The following TCF4 variants were observed in gnomAD, a reference collection of about 807,000 sequenced individuals.
TCF4 encodes SL3-3 enhancer factor 2.
In TCF4, 3 loss-of-function variants were observed where a neutral mutation model predicts 82.1. That is an observed-to-expected ratio of 0.04 (90% CI 0.02 to 0.09). The LOEUF is 0.09. Ranked by LOEUF, TCF4 falls within the 10% of genes least tolerant of loss-of-function variation. TCF4 has a pLI of 1.00. For synonymous variants in TCF4, 276 were observed against 309.6 expected (o/e 0.89, Z 1.14); for missense variants, 518 against 852.7 (o/e 0.61, Z 4.89).
chr18:55,279,517 A>AGT (rs1568651165), intron 9 of TCF4, 34 bp downstream of exon 9: 1 of 1,613,454 alleles, frequency 6.2e-7, no homozygotes, highest in South Asian at 1.1e-5. Context: ...AATGCTATCC[A>AGT]GTGGCCTTTC....
intron 5 of TCF4, among the ~76,000 whole-genome samples, chr18:55,428,779 A>T (rs2147107469): frequency 6.6e-6 from 1 of 152,332 alleles, no homozygotes; most frequent in East Asian, 1.9e-4. Context: ...AAGAGGATAA[A>T]CAATGTTTGG....
At chr18:55,617,864 T>G (rs2097713788) in intron 2 of TCF4, among the ~76,000 whole-genome samples, 1 of 148,584 alleles carries the variant, frequency 6.7e-6, no homozygotes, top group Admixed American at 6.8e-5. Flanking sequence ...CTTTAGAGTT[T>G]TCTACATGTA....
intron 5 of TCF4, among the ~76,000 whole-genome samples, chr18:55,439,181 G>C (rs1293075564): frequency 6.6e-6 from 1 of 152,112 alleles, no homozygotes; most frequent in Non-Finnish European, 1.5e-5. Context: ...GAGGTTGAGG[G>C]GTTTGCAAAT....
intron 3 of TCF4, among the ~76,000 whole-genome samples, chr18:55,538,578 C>T (rs983134609): frequency 9.9e-5 from 15 of 152,164 alleles, no homozygotes; most frequent in African/African-American, 3.4e-4. Context: ...GGTGACAATC[C>T]AGGTCTACCA....
intron 6 of TCF4, chr18:55,401,846 G>A (rs934787774): frequency 4.3e-6 from 4 of 933,266 alleles, no homozygotes; most frequent in African/African-American, 1.8e-5. Context: ...GGGGCCCAGC[G>A]AAAACAGAGA....
intron 2 of TCF4, among the ~76,000 whole-genome samples, chr18:55,628,476 A>C (rs1457715726): frequency 1.3e-5 from 2 of 152,160 alleles, no homozygotes; most frequent in African/African-American, 4.8e-5. Context: ...TCTTTTTAAT[A>C]ATCTTTTTTT....
intron 3 of TCF4, among the ~76,000 whole-genome samples, chr18:55,542,657 AAC>A (rs967105338): frequency 2.6e-5 from 4 of 151,986 alleles, no homozygotes; most frequent in African/African-American, 7.2e-5. Flanking sequence ...AACAATAGCC[AAC>A]ACACACACAC....
intron 5 of TCF4, among the ~76,000 whole-genome samples, chr18:55,429,184 G>C (rs1365626682): frequency 6.6e-6 from 1 of 152,134 alleles, no homozygotes; most frequent in Non-Finnish European, 1.5e-5. Flanking sequence ...GTTGTCTAAA[G>C]TGAAAAAAAC....
At chr18:55,234,405 C>T in intron 16 of TCF4, 143 bp downstream of exon 16, 3 of 1,161,294 alleles carry the variant, frequency 2.6e-6, no homozygotes, top group South Asian at 2.8e-5. Flanking sequence ...AAATACTTTG[C>T]CATTTCCTTA....
At chr18:55,413,900 G>A (rs1411447150) in intron 5 of TCF4, among the ~76,000 whole-genome samples, 1 of 152,162 alleles carries the variant, frequency 6.6e-6, no homozygotes, top group East Asian at 1.9e-4. Context: ...ACACAATATA[G>A]GGAATTTAAT....
intron 8 of TCF4, among the ~76,000 whole-genome samples, chr18:55,328,261 GT>G (rs1367846338): frequency 3.3e-5 from 5 of 151,922 alleles, no homozygotes; most frequent in Non-Finnish European, 5.9e-5. Flanking sequence ...GGCAAACATA[GT>G]GCAATTGACA....
chr18:55,617,851 AGTC>A (rs989151158), intron 2 of TCF4, among the ~76,000 whole-genome samples: 17 of 79,122 alleles, frequency 2.1e-4, no homozygotes, highest in African/African-American at 7.2e-4. Flanking sequence ...GTGTGTGTGT[AGTC>A]TTTAGAGTTT....
chr18:55,535,272 G>A (rs1311528148), intron 3 of TCF4, among the ~76,000 whole-genome samples: 1 of 152,160 alleles, frequency 6.6e-6, no homozygotes, highest in Non-Finnish European at 1.5e-5. Context: ...CAAACTCTTA[G>A]CAGCGGACTC....
chr18:55,334,217 GTTTT>G (rs1448085961), intron 8 of TCF4, among the ~76,000 whole-genome samples: 1 of 151,894 alleles, frequency 6.6e-6, no homozygotes, highest in Non-Finnish European at 1.5e-5. Context: ...AAGAAACACA[GTTTT>G]ATTTAGTAAA....
At position 55,562,519 on chromosome 18, in the gene TCF4, A is replaced by G. The variant is rs115644423; in HGVS notation, c.145+22761T>C. 2.9e-3 allele frequency among the ~76,000 whole-genome samples: 446 copies of G among 152,302 alleles called. 2 individuals carry two copies. The highest frequency in any genetic ancestry group is 1.0e-2 in the African/African-American group (415 of 41,564). On this transcript the variant is annotated intron_variant, in intron 3 of 19. Transcript: ENST00000354452. The stretch of plus-strand genomic sequence containing the variant: ...AGGGAAGGCCCTAGGGAAGTTCTGG[A>G]CAAGAAGTTAGTTCCCCTCACAACT...
chr18:55,592,104 A>G (rs956899498), upstream of TCF4, among the ~76,000 whole-genome samples: 4 of 152,182 alleles, frequency 2.6e-5, no homozygotes, highest in Admixed American at 1.3e-4. Flanking sequence ...GGCACCTAAG[A>G]AAAGGAGAAC....
chr18:55,275,868 G>C lies in TCF4; in HGVS notation c.656-116C>G, dbSNP rs1787793. 9,661 of 1,322,948 alleles carry C rather than the reference G, an allele frequency of 7.3e-3. 507 individuals are homozygous for C. In the African/African-American group the frequency reaches 0.12, roughly 17 times the overall value. The allele number at this position is 1,322,948 out of a possible 1,614,324, so 82.0% of individuals were successfully genotyped here. A position where few individuals can be genotyped will look rare whatever the true frequency, so the allele number is the denominator to read the frequency against. ...TGTTGTGTTATTCATCTTTGTGTTG[G>C]TTAGCTGATTACATCAGAAGACAGT... On this transcript the variant is annotated intron_variant, in intron 9 of 19. Coordinates refer to ENST00000354452, the MANE Select transcript of TCF4 (RefSeq NM_001083962.2).
intron 3 of TCF4, among the ~76,000 whole-genome samples, chr18:55,515,262 G>GA (rs2096870480): frequency 1.3e-5 from 2 of 152,114 alleles, no homozygotes; most frequent in African/African-American, 2.4e-5. Flanking sequence ...AAAACTCACG[G>GA]AAAAAAATGG....
intron 9 of TCF4, 93 bp from the exon 10 acceptor site, chr18:55,275,845 T>C: frequency 6.6e-7 from 1 of 1,506,084 alleles, no homozygotes. Context: ...TGACTGCCTG[T>C]TGTGTTATTC....
Sources: allele counts gnomAD v4.1 joint callset (sites outside exome capture counted in the v4.1 genomes callset), GRCh38; gene constraint gnomAD v4.1.1; transcripts MANE v1.5; gene names NCBI Gene and HGNC (gene_info 2026-07-23, HGNC 2026-07-21).